CWF19L2: variants seen among roughly 807,000 people sequenced by gnomAD.
The protein encoded by CWF19L2 is CWF19 like cell cycle control factor 2, also known as CWF19-like protein 2.
A neutral mutation model predicts 111.7 loss-of-function variants in CWF19L2; 98 were observed. The observed-to-expected ratio is 0.88, with a 90% confidence interval of 0.75 to 1.04. The LOEUF (loss-of-function observed/expected upper bound fraction) is 1.04, where lower values mean the gene tolerates loss of function less well. Ranked by LOEUF, CWF19L2 falls within the 50% of genes least tolerant of loss-of-function variation. CWF19L2 has a pLI of 0.00. For missense variants in CWF19L2, 1,101 were observed against 1,051.4 expected, an observed-to-expected ratio of 1.05 and a Z score of -0.65; for synonymous variants, 351 against 342.9, an observed-to-expected ratio of 1.02 and a Z score of -0.26.
chr11:107,360,949 T>C (rs981576705), intron 12 of CWF19L2, among the ~76,000 whole-genome samples: 2 of 152,206 alleles, frequency 1.3e-5, no homozygotes, highest in African/African-American at 4.8e-5. Flanking sequence ...CATAAAGCTT[T>C]TTAGTTTAAT....
chr11:107,397,142 T>A (rs1338779533), intron 10 of CWF19L2, among the ~76,000 whole-genome samples: 1 of 151,968 alleles, frequency 6.6e-6, no homozygotes, highest in Non-Finnish European at 1.5e-5. Context: ...TTGTAACAAT[T>A]TGAACAGGGT....
chr11:107,398,546 C>T (rs1370030227), intron 10 of CWF19L2, among the ~76,000 whole-genome samples: 1 of 152,070 alleles, frequency 6.6e-6, no homozygotes, highest in African/African-American at 2.4e-5. Context: ...GTTAATCAAC[C>T]AAACCTAAGA....
intron 11 of CWF19L2, among the ~76,000 whole-genome samples, chr11:107,391,314 C>T (rs1860843932): frequency 6.6e-6 from 1 of 152,182 alleles, no homozygotes; most frequent in South Asian, 2.1e-4. Context: ...TTTGTTCTCT[C>T]TCTCTTTTTT....
intron 10 of CWF19L2, among the ~76,000 whole-genome samples, chr11:107,394,310 A>T (rs1031399644): frequency 2.0e-5 from 3 of 152,172 alleles, no homozygotes; most frequent in African/African-American, 7.2e-5. Context: ...ATGAAGTGCC[A>T]TCTTTTAAAA....
intron 7 of CWF19L2, among the ~76,000 whole-genome samples, chr11:107,431,018 TA>T (rs141472903): frequency 8.7e-5 from 13 of 149,768 alleles, no homozygotes; most frequent in Non-Finnish European, 1.2e-4. Context: ...AAAATAAAAT[TA>T]AAAAAAAACA....
intron 14 of CWF19L2, among the ~76,000 whole-genome samples, chr11:107,342,815 G>A (rs560657407): frequency 6.6e-6 from 1 of 152,240 alleles, no homozygotes; most frequent in Non-Finnish European, 1.5e-5. Context: ...TATCTTAAAT[G>A]TAATTAAAAG....
At chr11:107,330,952 G>T (rs1859841649) in intron 16 of CWF19L2, among the ~76,000 whole-genome samples, 1 of 152,000 alleles carries the variant, frequency 6.6e-6, no homozygotes, top group Non-Finnish European at 1.5e-5. Context: ...AATGTAGAAG[G>T]GCACAGTATG....
intron 8 of CWF19L2, among the ~76,000 whole-genome samples, chr11:107,422,326 G>A (rs1315173830): frequency 1.3e-5 from 2 of 151,956 alleles, no homozygotes; most frequent in African/African-American, 2.4e-5. Flanking sequence ...GAGTATGTGC[G>A]ACTTTGGAAT....
chr11:107,360,834 T>C (rs868607300), intron 12 of CWF19L2, among the ~76,000 whole-genome samples: 11 of 152,332 alleles, frequency 7.2e-5, no homozygotes, highest in Middle Eastern at 3.4e-3. Flanking sequence ...AGTGGGACTA[T>C]TTGTTGTTGT....
chr11:107,352,504 T>C (rs181794292), intron 13 of CWF19L2, among the ~76,000 whole-genome samples: 112 of 152,290 alleles, frequency 7.4e-4, no homozygotes, highest in African/African-American at 2.4e-3. Context: ...TAAAAATAGA[T>C]GACTAGAATC....
chr11:107,416,743 T>C (rs1861231925), intron 9 of CWF19L2, among the ~76,000 whole-genome samples: 2 of 152,206 alleles, frequency 1.3e-5, no homozygotes, highest in Non-Finnish European at 2.9e-5. Flanking sequence ...TATAGAAATT[T>C]ATATAAAACA....
intron 12 of CWF19L2, among the ~76,000 whole-genome samples, chr11:107,382,983 T>C (rs1029261420): frequency 6.6e-6 from 1 of 152,214 alleles, no homozygotes; most frequent in Admixed American, 6.5e-5. Context: ...CCTGAACACG[T>C]AGAGGTTCCT....
intron 13 of CWF19L2, among the ~76,000 whole-genome samples, chr11:107,350,308 GCT>G (rs754873702): frequency 6.2e-4 from 94 of 152,250 alleles, no homozygotes; most frequent in Non-Finnish European, 1.0e-3. Flanking sequence ...CTTATGGGGT[GCT>G]ACAGATTGAA....
chr11:107,437,158 C>T (rs990574510), intron 6 of CWF19L2, among the ~76,000 whole-genome samples: 5 of 144,490 alleles, frequency 3.5e-5, no homozygotes, highest in African/African-American at 1.2e-4. Context: ...CTGACATTAC[C>T]ATCATTATTG....
chr11:107,348,728 G>A, intron 14 of CWF19L2: 1 of 303,966 alleles, frequency 3.3e-6, no homozygotes, highest in Non-Finnish European at 6.2e-6. Flanking sequence ...TTATTTCGTA[G>A]ATAAAAGGTC....
At chr11:107,439,223 T>A in intron 5 of CWF19L2, 40 bp from the exon 6 acceptor site, 1 of 1,161,980 alleles carries the variant, frequency 8.6e-7, no homozygotes, top group Non-Finnish European at 1.3e-6. Context: ...TTCAAAAAAT[T>A]AACAAATTAT....
intron 11 of CWF19L2, 79 bp from the exon 12 acceptor site, chr11:107,390,290 G>T: frequency 8.9e-7 from 1 of 1,122,854 alleles, no homozygotes; most frequent in Non-Finnish European, 1.2e-6. Context: ...ATAAATATCT[G>T]ATGTTAAATG....
chr11:107,419,998 G>A (rs1026677893), intron 8 of CWF19L2, among the ~76,000 whole-genome samples: 1 of 151,286 alleles, frequency 6.6e-6, no homozygotes, highest in Non-Finnish European at 1.5e-5. Flanking sequence ...ATAAGTTAAA[G>A]GTATAGTACA....
chr11:107,332,988 C>A (rs955409409), intron 16 of CWF19L2, among the ~76,000 whole-genome samples: 2 of 151,812 alleles, frequency 1.3e-5, no homozygotes, highest in Admixed American at 1.3e-4. Flanking sequence ...CGTGGTGGTG[C>A]GCTCCTGTAT....
Sources: allele counts gnomAD v4.1 joint callset (sites outside exome capture counted in the v4.1 genomes callset), GRCh38; gene constraint gnomAD v4.1.1; transcripts MANE v1.5; gene names NCBI Gene and HGNC (gene_info 2026-07-23, HGNC 2026-07-21).